NMU: variants seen among roughly 807,000 people sequenced by gnomAD.
NMU encodes neuromedin-U.
NMU carries 29 observed loss-of-function variants against 35.4 expected under a neutral mutation model. The observed-to-expected ratio is 0.82, with a 90% CI of 0.61 to 1.12. The LOEUF is 1.12. Among genes scored for constraint, NMU ranks in the 50% most tolerant of loss-of-function variants. The pLI, the probability that NMU is intolerant of heterozygous loss-of-function variation, is 0.00. For missense variants in NMU, 199 were observed against 206.2 expected (o/e 0.97, Z 0.21); for synonymous variants, 78 against 81.3 (o/e 0.96, Z 0.22).
intron 1 of NMU, among the ~76,000 whole-genome samples, chr4:55,631,320 A>G (rs1440568485): frequency 6.6e-6 from 1 of 152,208 alleles, no homozygotes; most frequent in Non-Finnish European, 1.5e-5. Context: ...AAAAATAAAT[A>G]AATGGGACCT....
At chr4:55,610,201 G>A (rs1485662225) in intron 3 of NMU, among the ~76,000 whole-genome samples, 2 of 152,118 alleles carry the variant, frequency 1.3e-5, no homozygotes, top group Admixed American at 6.6e-5. Flanking sequence ...AGGGGCTCAC[G>A]CCTGTAATGC....
intron 2 of NMU, among the ~76,000 whole-genome samples, chr4:55,626,981 G>A: frequency 6.6e-6 from 1 of 152,172 alleles, no homozygotes; most frequent in East Asian, 1.9e-4. Context: ...AGGTGGCAAA[G>A]GCATTCATCC....
intron 2 of NMU, among the ~76,000 whole-genome samples, chr4:55,628,047 G>T (rs563778544): frequency 6.6e-6 from 1 of 152,298 alleles, no homozygotes; most frequent in Non-Finnish European, 1.5e-5. Context: ...AGAAGAAATT[G>T]TTCCTTCAGT....
Position 55,636,103 on chromosome 4 carries a change from G to A in NMU, c.90C>T (p.Ala30=). The change falls in exon 1 of 10, where the codon GCC becomes GCT. Residue 30 remains alanine (A), a synonymous_variant. Transcript: ENST00000264218. This position sits in a 1 kb window ranked among gnomAD's most constrained non-coding sequence, Gnocchi z 4.0. ...SPLLLLLLLL[A]WCAGACRGAP... is the part of the protein sequence containing the mutation. ...TACCTCGGCAGGCGCCCGCGCACCAGGCGAGCAGCAGCAGCAGCAGCAGGA... is the reference window on the plus strand; with the variant it reads ...TACCTCGGCAGGCGCCCGCGCACCAAGCGAGCAGCAGCAGCAGCAGCAGGA... The A allele has an allele frequency of 6.5e-7, 1 of 1,530,726 alleles. No individual in the cohort carries two copies. The allele number at this position is 1,530,726 out of a possible 1,614,324, so 94.8% of individuals were successfully genotyped here. A position where few individuals can be genotyped will look rare whatever the true frequency, so the allele number is the denominator to read the frequency against.
At position 55,603,803 on chromosome 4, in the gene NMU, T is replaced by C. The variant is rs1733525483; in HGVS notation, c.435+1472A>G. 4.0e-5 allele frequency among the ~76,000 whole-genome samples: 6 copies of C among 148,174 alleles called. No homozygotes were observed. In the South Asian group the frequency reaches 1.3e-3, roughly 32 times the overall value. On this transcript the variant is annotated intron_variant, in intron 7 of 9. Transcript: ENST00000264218. ...GGCGGGCGCCTGTGATCCCAGCTCC[T>C]CGGGAGGCTGAGGCAGGCGAATGGT... is the stretch of plus-strand genomic sequence containing the variant.
chr4:55,607,214 G>A, intron 6 of NMU, 84 bp downstream of exon 6: 2 of 944,836 alleles, frequency 2.1e-6, no homozygotes, highest in Non-Finnish European at 3.4e-6. Flanking sequence ...TTTGAATTCT[G>A]ATCTAGCTCT....
intron 2 of NMU, among the ~76,000 whole-genome samples, chr4:55,625,770 T>C (rs1471875723): frequency 1.3e-5 from 2 of 152,004 alleles, no homozygotes; most frequent in African/African-American, 4.8e-5. Context: ...TGTGCATGTA[T>C]ATTTCCTCAC....
At chr4:55,617,842 T>A (rs907143077) in intron 2 of NMU, among the ~76,000 whole-genome samples, 1 of 152,168 alleles carries the variant, frequency 6.6e-6, no homozygotes, top group Non-Finnish European at 1.5e-5. Flanking sequence ...TGCCCATCTA[T>A]GTGAGGTGGT....
Position 55,630,449 on chromosome 4 carries a change from A to C in NMU, c.124T>G (p.Leu42Val). ...CAGACRGAPI[L>V]PQGLQPEQQL... ...TGTTCAGGCTGTAATCCTTGAGGTAATATTGGAGCACCTAAAAATAAAGTT... is the reference window on the plus strand; with the variant it reads ...TGTTCAGGCTGTAATCCTTGAGGTACTATTGGAGCACCTAAAAATAAAGTT... The change falls in exon 2 of 10, where the codon TTA (leucine) becomes GTA (valine). Residue 42 changes from leucine (L) to valine (V), a missense_variant. Leu to Val is a conservative substitution (Grantham distance 32). Coordinates refer to ENST00000264218, the MANE Select transcript of NMU (RefSeq NM_006681.4). The C allele has an allele frequency of 6.2e-7, 1 of 1,611,802 alleles. No individual in the cohort carries two copies. The highest frequency in any genetic ancestry group is 8.5e-7 in the Non-Finnish European group (1 of 1,178,238).
chr4:55,595,643 A>ATTTTT (rs1211166376), intron 9 of NMU, among the ~76,000 whole-genome samples: 1 of 66,382 alleles, frequency 1.5e-5, no homozygotes, highest in African/African-American at 6.3e-5. Context: ...ATATATATAT[A>ATTTTT]TTTTTTTTTT....
At chr4:55,619,550 T>G (rs912257800) in intron 2 of NMU, among the ~76,000 whole-genome samples, 3 of 140,702 alleles carry the variant, frequency 2.1e-5, no homozygotes, top group African/African-American at 7.9e-5. Context: ...AGCACAGCAG[T>G]CTGAGATCAA....
intron 3 of NMU, among the ~76,000 whole-genome samples, chr4:55,612,232 C>A (rs1169852110): frequency 7.2e-5 from 11 of 152,172 alleles, no homozygotes; most frequent in Admixed American, 7.2e-4. Flanking sequence ...CATCTTTACA[C>A]AAAATTGTTT....
chr4:55,601,663 A>T (rs1733431457), intron 7 of NMU, among the ~76,000 whole-genome samples: 1 of 152,184 alleles, frequency 6.6e-6, no homozygotes, highest in South Asian at 2.1e-4. Flanking sequence ...AAATGTACAC[A>T]TATAAACCAT....
chr4:55,609,684 C>T (rs1733852773), intron 3 of NMU, among the ~76,000 whole-genome samples: 1 of 152,160 alleles, frequency 6.6e-6, no homozygotes, highest in African/African-American at 2.4e-5. Context: ...AATCTGAGTA[C>T]CACCCTTCCA....
At chr4:55,610,464 G>GAAA (rs769375732) in intron 3 of NMU, among the ~76,000 whole-genome samples, 17 of 132,408 alleles carry the variant, frequency 1.3e-4, no homozygotes, top group Non-Finnish European at 1.3e-4. Flanking sequence ...CTCTGTCTCA[G>GAAA]AAAAAAAAAA....
chr4:55,595,643 A>ATATATTTT (rs1258986050), intron 9 of NMU, among the ~76,000 whole-genome samples: 1,792 of 66,094 alleles, frequency 0.027, 18 homozygotes, highest in Non-Finnish European at 0.038. Flanking sequence ...ATATATATAT[A>ATATATTTT]TTTTTTTTTT....
chr4:55,634,890 T>TCA (rs796275316), intron 1 of NMU, among the ~76,000 whole-genome samples: 8 of 149,998 alleles, frequency 5.3e-5, no homozygotes, highest in African/African-American at 1.2e-4. Flanking sequence ...TCTCTCTCTC[T>TCA]CACACACACA....
At chr4:55,618,764 CTCTT>C (rs1008931572) in intron 2 of NMU, among the ~76,000 whole-genome samples, 6 of 126,442 alleles carry the variant, frequency 4.7e-5, no homozygotes, top group African/African-American at 1.4e-4. Flanking sequence ...TTTCTTCTCT[CTCTT>C]TCTTCTCTTT....
chr4:55,607,232 T>A, intron 6 of NMU, 66 bp downstream of exon 6: 2 of 1,192,558 alleles, frequency 1.7e-6, no homozygotes, highest in East Asian at 4.7e-5. Context: ...TCTATTATGC[T>A]GCAAAAACAG....
Sources: allele counts gnomAD v4.1 joint callset (sites outside exome capture counted in the v4.1 genomes callset), GRCh38; gene constraint gnomAD v4.1.1; non-coding constraint Gnocchi (gnomAD v3.1); transcripts MANE v1.5; gene names NCBI Gene and HGNC (gene_info 2026-07-23, HGNC 2026-07-21).